MYLK: variants seen among roughly 807,000 people sequenced by gnomAD.
MYLK encodes myosin light chain kinase.
In MYLK, 106 loss-of-function variants were observed where a neutral mutation model predicts 203.4. The ratio of observed to expected loss-of-function variants is 0.52; its 90% CI spans 0.45 to 0.61. MYLK has a LOEUF of 0.61. Among genes scored for constraint, MYLK ranks in the 20% least tolerant of loss-of-function variants. The probability of loss-of-function intolerance (pLI) is 0.00; values close to 1 mark genes in which losing one functional copy is unlikely to be tolerated. For synonymous variants in MYLK, 867 were observed against 959.5 expected (o/e 0.90, Z 1.78); for missense variants, 2,072 against 2,442.3 (o/e 0.85, Z 3.20).
rs561953249 is a variant in MYLK at position 123,637,301 on chromosome 3, C to T, written c.4961+770G>A. On this transcript the variant is annotated intron_variant, in intron 29 of 33. Coordinates refer to ENST00000360304, the MANE Select transcript of MYLK (RefSeq NM_053025.4). ...TGTTCTCAAGCCTTGTTACTCAGAGCGCAGTCGTTGAACCAGCACATTCAC... is the reference window on the plus strand; with the variant it reads ...TGTTCTCAAGCCTTGTTACTCAGAGTGCAGTCGTTGAACCAGCACATTCAC... 2.0e-4 allele frequency among the ~76,000 whole-genome samples: 31 copies of T among 152,190 alleles called. No individual in the cohort carries two copies. In the South Asian group the frequency reaches 5.6e-3, roughly 28 times the overall value.
chr3:123,817,170 T>G (rs1367895242), intron 3 of MYLK, among the ~76,000 whole-genome samples: 1 of 152,232 alleles, frequency 6.6e-6, no homozygotes, highest in East Asian at 1.9e-4. Context: ...TAGTTTCTCC[T>G]GACATCTAGG....
intron 31 of MYLK, 135 bp from the exon 32 acceptor site, chr3:123,620,471 G>A: frequency 6.3e-7 from 1 of 1,575,680 alleles, no homozygotes; most frequent in Non-Finnish European, 8.6e-7. Context: ...TGAGAGCCGA[G>A]GTTCTGCCAG....
chr3:123,621,158 T>C (rs192654565), intron 31 of MYLK: 55 of 152,324 alleles, frequency 3.6e-4, no homozygotes, highest in Admixed American at 1.4e-3. Flanking sequence ...TTTATTTACA[T>C]TGCGAAAATT....
At chr3:123,797,243 T>A (rs563865839) in intron 3 of MYLK, among the ~76,000 whole-genome samples, 1 of 152,210 alleles carries the variant, frequency 6.6e-6, no homozygotes, top group Non-Finnish European at 1.5e-5. Flanking sequence ...ATAGCATCTA[T>A]AGCATTTATA....
chr3:123,808,486 T>C (rs1410667519), intron 3 of MYLK, among the ~76,000 whole-genome samples: 1 of 152,208 alleles, frequency 6.6e-6, no homozygotes, highest in Non-Finnish European at 1.5e-5. Context: ...ATTCAGATCA[T>C]TGTATAGGAT....
intron 3 of MYLK, among the ~76,000 whole-genome samples, chr3:123,802,962 C>T (rs1021070631): frequency 1.3e-5 from 2 of 151,786 alleles, no homozygotes; most frequent in African/African-American, 4.8e-5. Context: ...GCCCCCCACT[C>T]CATTCTGCCA....
At chr3:123,765,799 T>G (rs1360314446) in intron 4 of MYLK, among the ~76,000 whole-genome samples, 2 of 152,164 alleles carry the variant, frequency 1.3e-5, no homozygotes, top group Non-Finnish European at 2.9e-5. Flanking sequence ...TTGAAGACAT[T>G]ATGCTAAGTA....
At chr3:123,837,544 T>C (rs977735245) in intron 2 of MYLK, among the ~76,000 whole-genome samples, 3 of 148,252 alleles carry the variant, frequency 2.0e-5, no homozygotes, top group Non-Finnish European at 4.5e-5. Context: ...ATTTTATATA[T>C]ATATGCTCTA....
At chr3:123,746,979 G>GTC (rs2063037807) in intron 5 of MYLK, among the ~76,000 whole-genome samples, 14 of 152,278 alleles carry the variant, frequency 9.2e-5, no homozygotes, top group Admixed American at 9.2e-4. Flanking sequence ...AGAACCAAAA[G>GTC]AAGAACCATG....
chr3:123,801,431 A>C (rs779845819), intron 3 of MYLK, among the ~76,000 whole-genome samples: 21 of 152,306 alleles, frequency 1.4e-4, no homozygotes, highest in South Asian at 4.1e-4. Context: ...TTTAAAAAAA[A>C]CTTTTATTCT....
chr3:123,823,363 C>G (rs959902493), intron 3 of MYLK, among the ~76,000 whole-genome samples: 1 of 152,162 alleles, frequency 6.6e-6, no homozygotes, highest in Non-Finnish European at 1.5e-5. Flanking sequence ...GCTTATCTAA[C>G]AAGACATACA....
At chr3:123,732,723 T>A (rs1386284722) in intron 11 of MYLK, among the ~76,000 whole-genome samples, 173 bp downstream of exon 11, 5 of 152,122 alleles carry the variant, frequency 3.3e-5, no homozygotes, top group Admixed American at 2.0e-4. Flanking sequence ...TGATTATGAA[T>A]CACTGGCCTA....
At chr3:123,742,648 C>T (rs138958169) in intron 5 of MYLK, among the ~76,000 whole-genome samples, 8 of 152,216 alleles carry the variant, frequency 5.3e-5, no homozygotes, top group Non-Finnish European at 1.2e-4. Flanking sequence ...ACAAAATATC[C>T]GTGTACCATC....
intron 24 of MYLK, among the ~76,000 whole-genome samples, chr3:123,652,667 T>C (rs1196142113): frequency 1.3e-5 from 2 of 152,218 alleles, no homozygotes; most frequent in Non-Finnish European, 2.9e-5. Flanking sequence ...GAAGCCTCAG[T>C]CACAGTAGCT....
In MYLK at chr3:123,838,379, C is replaced by G. The variant is rs866762492; in HGVS notation, c.-126-6709G>C. On this transcript the variant is annotated intron_variant, in intron 2 of 33. Coordinates refer to ENST00000360304, the MANE Select transcript of MYLK (RefSeq NM_053025.4). ...AAAAGCTGAGAGAATTAATTATTAA[C>G]AAACTTGCATAATGAGAACTAGAAA... is the stretch of plus-strand genomic sequence containing the variant. Among the ~76,000 whole-genome samples the G allele has an allele frequency of 1.1e-4, 17 of 152,184 alleles. No individual in the cohort carries two copies. The South Asian group carries it at 1.2e-3, about 11-fold the overall frequency.
At chr3:123,781,082 T>C (rs900648460) in intron 4 of MYLK, among the ~76,000 whole-genome samples, 1 of 152,016 alleles carries the variant, frequency 6.6e-6, no homozygotes, top group African/African-American at 2.4e-5. Context: ...AAGAGGCAAA[T>C]CCCGGGACCT....
chr3:123,681,914 G>C, intron 20 of MYLK: 1 of 425,436 alleles, frequency 2.4e-6, no homozygotes, highest in South Asian at 2.3e-5. Context: ...AGCTCTCCTA[G>C]AGTCTTGGTG....
chr3:123,685,677 C>T lies in MYLK; in HGVS notation c.3566-3367G>A, dbSNP rs141050746. 6.6e-3 allele frequency among the ~76,000 whole-genome samples: 992 copies of T among 150,632 alleles called. 5 individuals are homozygous for T. The highest frequency in any genetic ancestry group is 0.011 in the Non-Finnish European group (743 of 67,718). On this transcript the variant is annotated intron_variant, in intron 19 of 33. Coordinates refer to ENST00000360304, the MANE Select transcript of MYLK (RefSeq NM_053025.4). Reference sequence around the variant, plus strand: ...ATGAATTAATTCCTCTTGATAGCCACATTCCCTTACCTCCTTCTGAATCAG... The same window carrying T: ...ATGAATTAATTCCTCTTGATAGCCATATTCCCTTACCTCCTTCTGAATCAG...
intron 13 of MYLK, among the ~76,000 whole-genome samples, chr3:123,717,839 C>CTTT (rs10574979): frequency 1.4e-4 from 13 of 94,962 alleles, no homozygotes; most frequent in African/African-American, 5.6e-4. Flanking sequence ...TTGAGGGACT[C>CTTT]TTTTTTTTTT....
Sources: gnomAD v4.1 joint callset for allele counts (sites outside exome capture counted in the v4.1 genomes callset) on GRCh38, gnomAD v4.1.1 for gene constraint, MANE v1.5 for transcripts, NCBI Gene and HGNC (gene_info 2026-07-23, HGNC 2026-07-21) for gene names.